The following PPARGC1A variants were observed in gnomAD, a reference collection of about 807,000 sequenced individuals.
PPARGC1A encodes the protein PPARG coactivator 1 alpha, also known as peroxisome proliferator-activated receptor gamma coactivator 1-alpha.
In PPARGC1A, 25 loss-of-function variants were observed where a neutral mutation model predicts 88.7. The ratio of observed to expected loss-of-function variants is 0.28; its 90% CI spans 0.21 to 0.39. The LOEUF (loss-of-function observed/expected upper bound fraction) is 0.39. Among genes scored for constraint, PPARGC1A ranks in the 10% least tolerant of loss-of-function variants. The probability of loss-of-function intolerance (pLI) is 1.00; values close to 1 mark genes in which losing one functional copy is unlikely to be tolerated. For synonymous variants in PPARGC1A, 363 were observed against 355.6 expected, an observed-to-expected ratio of 1.02 and a Z score of -0.24; for missense variants, 880 against 968.7, an observed-to-expected ratio of 0.91 and a Z score of 1.22.
chr4:24,290,067 T>G, the PPARGC1A span, among the ~76,000 whole-genome samples: 1 of 152,082 alleles, frequency 6.6e-6, no homozygotes, highest in Non-Finnish European at 1.5e-5. Context: ...TTCACTATCA[T>G]GAGTACAGCA....
the PPARGC1A span, among the ~76,000 whole-genome samples, chr4:23,954,703 G>A: frequency 6.6e-6 from 1 of 151,880 alleles, no homozygotes; most frequent in Non-Finnish European, 1.5e-5. Context: ...GTGAAGAAAT[G>A]GATTGTTTCA....
chr4:23,982,295 A>C, the PPARGC1A span, among the ~76,000 whole-genome samples: 4 of 152,228 alleles, frequency 2.6e-5, 1 homozygote, highest in East Asian at 7.7e-4. Context: ...AATGCTGTCC[A>C]TTCCAGGTAC....
the PPARGC1A span, among the ~76,000 whole-genome samples, chr4:24,308,879 G>A: frequency 6.6e-6 from 1 of 152,140 alleles, no homozygotes; most frequent in Admixed American, 6.5e-5. Flanking sequence ...GTAATGGGAT[G>A]GGGGTAAAAT....
the PPARGC1A span, among the ~76,000 whole-genome samples, chr4:24,192,291 A>C: frequency 6.6e-6 from 1 of 152,280 alleles, no homozygotes; most frequent in South Asian, 2.1e-4. Context: ...CAGGATTGTA[A>C]CAATCCCTTT....
the PPARGC1A span, among the ~76,000 whole-genome samples, chr4:23,956,647 C>G: frequency 1.3e-5 from 2 of 152,094 alleles, no homozygotes; most frequent in African/African-American, 4.8e-5. Flanking sequence ...GTCCCTCCCA[C>G]TTTGAAATCT....
the PPARGC1A span, among the ~76,000 whole-genome samples, chr4:23,999,471 CCT>C: frequency 6.6e-6 from 1 of 152,238 alleles, no homozygotes; most frequent in East Asian, 1.9e-4. Flanking sequence ...ACCTCTGTGC[CCT>C]GTTTGATGCC....
At chr4:24,121,295 T>C in the PPARGC1A span, among the ~76,000 whole-genome samples, 9 of 152,282 alleles carry the variant, frequency 5.9e-5, no homozygotes, top group East Asian at 1.4e-3. Flanking sequence ...CTCCCACGCC[T>C]GTTTTTCAAA....
chr4:24,119,061 C>CAGGG, the PPARGC1A span, among the ~76,000 whole-genome samples: 2 of 152,294 alleles, frequency 1.3e-5, no homozygotes, highest in South Asian at 2.1e-4. Context: ...ATCAGGCAGT[C>CAGGG]ATTGGAGAGG....
chr4:23,896,668 T>C (rs142590191), intron 1 of PPARGC1A, among the ~76,000 whole-genome samples: 46 of 152,302 alleles, frequency 3.0e-4, no homozygotes, highest in African/African-American at 9.6e-4. Flanking sequence ...ATTTAATCAA[T>C]TGTAAAGTCA....
chr4:24,199,938 T>C, the PPARGC1A span, among the ~76,000 whole-genome samples: 1 of 152,074 alleles, frequency 6.6e-6, no homozygotes, highest in Non-Finnish European at 1.5e-5. Context: ...GCACCATTAG[T>C]AATTCAGAAA....
the PPARGC1A span, among the ~76,000 whole-genome samples, chr4:24,341,182 A>G: frequency 1.7e-4 from 25 of 151,148 alleles, no homozygotes; most frequent in Non-Finnish European, 3.5e-4. Context: ...GCTCCCCAGG[A>G]TCATACTTTA....
the PPARGC1A span, among the ~76,000 whole-genome samples, chr4:24,050,476 G>A: frequency 5.9e-5 from 9 of 152,028 alleles, no homozygotes; most frequent in Non-Finnish European, 1.2e-4. Flanking sequence ...GATTACAGGC[G>A]TGAGCTACTG....
the PPARGC1A span, among the ~76,000 whole-genome samples, chr4:24,191,436 C>T: frequency 6.6e-6 from 1 of 152,166 alleles, no homozygotes; most frequent in South Asian, 2.1e-4. Context: ...CCAGGTCTGT[C>T]TAGTTCCTAA....
the PPARGC1A span, among the ~76,000 whole-genome samples, chr4:24,153,251 C>T: frequency 1.3e-5 from 2 of 152,082 alleles, no homozygotes; most frequent in African/African-American, 2.4e-5. Context: ...CGTCGATGAA[C>T]ATTTGAATTT....
the PPARGC1A span, among the ~76,000 whole-genome samples, chr4:24,050,970 G>A: frequency 4.6e-5 from 7 of 151,922 alleles, no homozygotes; most frequent in Non-Finnish European, 1.0e-4. Context: ...GGCAGATCAT[G>A]AGGTCAGGAG....
intron 2 of PPARGC1A, among the ~76,000 whole-genome samples, chr4:23,841,526 T>A (rs1304704430): frequency 1.3e-5 from 2 of 152,054 alleles, no homozygotes; most frequent in East Asian, 3.9e-4. Context: ...AACTTTCTTA[T>A]CATAAATACA....
chr4:24,149,498 G>A, the PPARGC1A span, among the ~76,000 whole-genome samples: 5 of 152,036 alleles, frequency 3.3e-5, no homozygotes, highest in Non-Finnish European at 5.9e-5. Context: ...CTGTTGGATT[G>A]CCGTTTTTAT....
At chr4:23,991,927 A>G in the PPARGC1A span, among the ~76,000 whole-genome samples, 1 of 152,168 alleles carries the variant, frequency 6.6e-6, no homozygotes, top group Non-Finnish European at 1.5e-5. Flanking sequence ...TCAAAGCACG[A>G]AACAGTTTGC....
At chr4:23,945,734 G>T in the PPARGC1A span, among the ~76,000 whole-genome samples, 3 of 152,158 alleles carry the variant, frequency 2.0e-5, no homozygotes, top group East Asian at 5.8e-4. Flanking sequence ...CATCAACCTG[G>T]GTCTTTTCAT....
Sources: allele counts gnomAD v4.1 joint callset (sites outside exome capture counted in the v4.1 genomes callset), GRCh38; gene constraint gnomAD v4.1.1; transcripts MANE v1.5; gene names NCBI Gene and HGNC (gene_info 2026-07-23, HGNC 2026-07-21).